The following YEATS2 variants were observed in gnomAD, a reference collection of about 807,000 sequenced individuals.
YEATS2 encodes the protein YEATS domain-containing protein 2.
A neutral mutation model predicts 163.2 loss-of-function variants in YEATS2; 77 were observed. The observed-to-expected ratio is 0.47, with a 90% confidence interval of 0.39 to 0.57. The LOEUF is 0.57. Among genes scored for constraint, YEATS2 ranks in the 20% least tolerant of loss-of-function variants. The pLI is 0.00. For missense variants in YEATS2, 1,549 were observed against 1,729.8 expected (o/e 0.90, Z 1.85); for synonymous variants, 631 against 645.1 (o/e 0.98, Z 0.33).
chr3:183,719,839 G>A (rs1054816301), intron 4 of YEATS2, among the ~76,000 whole-genome samples: 8 of 152,258 alleles, frequency 5.3e-5, no homozygotes, highest in East Asian at 1.9e-4. Context: ...AGCCTCCTGA[G>A]TAGCTAGGAC....
chr3:183,805,022 C>T (rs1726044709), intron 27 of YEATS2, among the ~76,000 whole-genome samples: 1 of 151,438 alleles, frequency 6.6e-6, no homozygotes, highest in South Asian at 2.1e-4. Context: ...AAAAACAGAC[C>T]ACTGCTGCAG....
In YEATS2 at chr3:183,798,039, C is replaced by A. The variant is rs1265741115; in HGVS notation, c.3214C>A (p.Pro1072Thr). 3 of 1,613,746 alleles carry A rather than the reference C, an allele frequency of 1.9e-6. No individual in the cohort carries two copies. The highest frequency in any genetic ancestry group is 2.2e-5 in the East Asian group (1 of 44,886). Residue 1072 changes from proline (P) to threonine (T), a missense_variant, in exon 22 of 31, where the codon CCT becomes ACT. By Grantham distance (38) the Pro-to-Thr change is conservative. Transcript: ENST00000305135. ...TSGGVQTILM[P>T]VNKVVQSFST... Reference sequence around the variant, plus strand: ...TGGAGGGGTGCAGACGATCCTGATGCCTGTGAATAAAGGTGAGTCCCTTGC... The same window carrying A: ...TGGAGGGGTGCAGACGATCCTGATGACTGTGAATAAAGGTGAGTCCCTTGC...
intron 8 of YEATS2, among the ~76,000 whole-genome samples, chr3:183,741,368 C>T (rs1398012706): frequency 6.6e-6 from 1 of 152,184 alleles, no homozygotes; most frequent in Non-Finnish European, 1.5e-5. Flanking sequence ...GGTGACAACA[C>T]ATCTGTTTAT....
rs565136449 is a variant in YEATS2, at chr3:183,761,608, C to A, written c.1758C>A (p.Phe586Leu). 7 of 1,613,740 alleles carry A rather than the reference C, an allele frequency of 4.3e-6. No homozygotes were observed. The highest frequency in any genetic ancestry group is 5.1e-6 in the Non-Finnish European group (6 of 1,179,786). Residue 586 changes from phenylalanine to leucine, a missense_variant, in exon 14 of 31, where the codon TTC (phenylalanine) becomes TTA (leucine). Phe to Leu is a conservative substitution (Grantham distance 22). Coordinates refer to ENST00000305135, the MANE Select transcript of YEATS2 (RefSeq NM_018023.5). ...CTATAACAGGAGGACTTGGAGCTTT[C>A]ACAAAAGTGAGTATGTATTAGGGCA... ...PKPITGGLGA[F>L]TKVIIKQEPG...
chr3:183,808,227 CTTAAG>C (rs1190977196), intron 29 of YEATS2, 123 bp downstream of exon 29: 1 of 743,832 alleles, frequency 1.3e-6, no homozygotes, highest in African/African-American at 1.8e-5. Flanking sequence ...CTTATTTGGG[CTTAAG>C]TTCTCTCTTT....
chr3:183,716,322 C>T (rs1391542078), intron 2 of YEATS2, among the ~76,000 whole-genome samples: 1 of 152,168 alleles, frequency 6.6e-6, no homozygotes, highest in Non-Finnish European at 1.5e-5. Flanking sequence ...TTTAAATAAT[C>T]TACCTAAGTT....
intron 12 of YEATS2, among the ~76,000 whole-genome samples, chr3:183,756,905 T>C (rs995095707): frequency 1.3e-5 from 2 of 152,212 alleles, no homozygotes; most frequent in African/African-American, 4.8e-5. Context: ...TTCTTTTAAT[T>C]TCTAAAAGTT....
chr3:183,711,587 A>G (rs1715228217), intron 1 of YEATS2, among the ~76,000 whole-genome samples: 1 of 152,178 alleles, frequency 6.6e-6, no homozygotes, highest in Non-Finnish European at 1.5e-5. Context: ...ATGAACAAAC[A>G]TTAAATGGCT....
At chr3:183,800,440 G>C (rs756266363) in intron 23 of YEATS2, 26 bp from the exon 24 acceptor site, 1 of 1,578,992 alleles carries the variant, frequency 6.3e-7, no homozygotes, top group Non-Finnish European at 8.7e-7. Flanking sequence ...CCTAACAGCT[G>C]CCTCTTTGTT....
intron 7 of YEATS2, among the ~76,000 whole-genome samples, chr3:183,731,313 A>G (rs1289077150): frequency 7.0e-6 from 1 of 143,420 alleles, no homozygotes; most frequent in Admixed American, 7.1e-5. Context: ...AAAAAAAAAA[A>G]AAAGCGGAAT....
chr3:183,761,517 C>CT lies in YEATS2; in HGVS notation c.1670dup (p.Leu557PhefsTer16). ...TTTTTACACACACAGCAGGAGGATT[C>CT]TTTGTTTGCATCTATGCCACCTCTT... On this transcript the variant is annotated frameshift_variant, in exon 14 of 31. Coordinates refer to ENST00000305135, the MANE Select transcript of YEATS2 (RefSeq NM_018023.5). LOFTEE classifies it high-confidence loss of function. 6.2e-7 allele frequency: 1 copy of CT among 1,614,076 alleles called. No individual in the cohort carries two copies. Among genetic ancestry groups the CT allele is most frequent in the Admixed American group, 1.7e-5 (1 of 60,016 alleles).
intron 15 of YEATS2, among the ~76,000 whole-genome samples, chr3:183,769,848 G>C (rs985583642): frequency 6.6e-6 from 1 of 151,736 alleles, no homozygotes; most frequent in African/African-American, 2.4e-5. Flanking sequence ...ACCACGCCCA[G>C]CTCATTCCTT....
Position 183,801,547 on chromosome 3 carries a change from A to T in YEATS2, c.3502+19A>T, listed in dbSNP as rs1385894575. The stretch of plus-strand genomic sequence containing the variant: ...GCAAAAAGTAAGACAATTACACTGA[A>T]TATAGGGGTGCATTTTTGAAAGCTG... On this transcript the variant is annotated intron_variant, in intron 25 of 30. Coordinates refer to ENST00000305135, the MANE Select transcript of YEATS2 (RefSeq NM_018023.5). 7.0e-6 allele frequency: 11 copies of T among 1,573,246 alleles called. No homozygotes were observed. The highest frequency in any genetic ancestry group is 9.5e-6 in the Non-Finnish European group (11 of 1,156,370).
intron 4 of YEATS2, among the ~76,000 whole-genome samples, chr3:183,720,455 T>C (rs1425779040): frequency 2.0e-5 from 3 of 152,192 alleles, no homozygotes; most frequent in Non-Finnish European, 4.4e-5. Flanking sequence ...GGAGCAGTGC[T>C]GGCTCACTGG....
In YEATS2 at chr3:183,739,396, C is replaced by G. The variant is rs377234932; in HGVS notation, c.924+2567C>G. ...ATAAAATACCTAGGAATCCAACTTA[C>G]AAGGGATGTGAAGGACCTCTTCAAG... On this transcript the variant is annotated intron_variant, in intron 8 of 30. Coordinates refer to ENST00000305135, the MANE Select transcript of YEATS2 (RefSeq NM_018023.5). Among the ~76,000 whole-genome samples the G allele has an allele frequency of 0.01, 1,230 of 122,304 alleles. 41 individuals are homozygous for G. In the East Asian group the frequency reaches 0.13, roughly 13 times the overall value. 80.2% of individuals were successfully genotyped at this position (122,304 alleles called of 152,430 possible).
At chr3:183,702,172 C>T (rs1312949488) in intron 1 of YEATS2, among the ~76,000 whole-genome samples, 1 of 152,166 alleles carries the variant, frequency 6.6e-6, no homozygotes, top group Non-Finnish European at 1.5e-5. Flanking sequence ...AGGCCAGCCG[C>T]GGTGGCTCAT....
At chr3:183,782,146 G>T (rs1309003460) in intron 19 of YEATS2, among the ~76,000 whole-genome samples, 1 of 151,952 alleles carries the variant, frequency 6.6e-6, no homozygotes. Context: ...TTTCGCTCTT[G>T]TTGCCCAGGC....
In YEATS2 at chr3:183,779,823, G is replaced by A. The variant is rs1343118038; in HGVS notation, c.2736+2123G>A. Among the ~76,000 whole-genome samples, 5 of 151,788 alleles carry A rather than the reference G, an allele frequency of 3.3e-5. No homozygotes were observed. In the East Asian group the frequency reaches 7.8e-4, roughly 24 times the overall value. On this transcript the variant is annotated intron_variant, in intron 19 of 30. Coordinates refer to ENST00000305135, the MANE Select transcript of YEATS2 (RefSeq NM_018023.5). ...AGCAATTCTCCTGCCTCAGCCTCCC[G>A]AGTAGCTGGGATTACAGGTGCCCGC...
At chr3:183,771,872 G>A (rs1577157376) in intron 15 of YEATS2, among the ~76,000 whole-genome samples, 2 of 151,880 alleles carry the variant, frequency 1.3e-5, no homozygotes, top group African/African-American at 4.8e-5. Flanking sequence ...GACTACAGGT[G>A]TGTGCCACCA....
Sources: allele counts gnomAD v4.1 joint callset (sites outside exome capture counted in the v4.1 genomes callset), GRCh38; gene constraint gnomAD v4.1.1; transcripts MANE v1.5; gene names NCBI Gene and HGNC (gene_info 2026-07-23, HGNC 2026-07-21).